Variants in CDKAL1 observed in about 807,000 individuals in gnomAD.
The protein encoded by CDKAL1 is CDKAL1 threonylcarbamoyladenosine tRNA methylthiotransferase.
In CDKAL1, 32 loss-of-function variants were observed where a neutral mutation model predicts 68.2. That is an observed-to-expected ratio of 0.47 (90% CI 0.35 to 0.63). The LOEUF (loss-of-function observed/expected upper bound fraction) is 0.63. Among genes scored for constraint, CDKAL1 ranks in the 30% least tolerant of loss-of-function variants. The pLI, the probability that CDKAL1 is intolerant of heterozygous loss-of-function variation, is 0.00. For synonymous variants in CDKAL1, 234 were observed against 244.3 expected, an observed-to-expected ratio of 0.96 and a Z score of 0.39; for missense variants, 606 against 696.7, an observed-to-expected ratio of 0.87 and a Z score of 1.47.
At chr6:20,937,858 TG>T (rs1411290869) in intron 9 of CDKAL1, among the ~76,000 whole-genome samples, 7 of 61,580 alleles carry the variant, frequency 1.1e-4, no homozygotes, top group African/African-American at 3.3e-4. Context: ...CACTGTGAGG[TG>T]GTTTTTTTTT....
At chr6:20,740,178 C>G (rs57498505) in intron 6 of CDKAL1, among the ~76,000 whole-genome samples, 8 of 152,098 alleles carry the variant, frequency 5.3e-5, no homozygotes. Context: ...TAGCCTCATG[C>G]GAATAGTTTT....
chr6:20,642,876 G>A (rs1284396776), intron 4 of CDKAL1, among the ~76,000 whole-genome samples: 2 of 151,522 alleles, frequency 1.3e-5, no homozygotes, highest in Admixed American at 6.6e-5. Context: ...TCCAGCCTGG[G>A]CGACACAGTG....
chr6:20,784,412 CTTTTTTTTTTTTTT>C (rs1175015329), intron 8 of CDKAL1, among the ~76,000 whole-genome samples: 5 of 33,492 alleles, frequency 1.5e-4, no homozygotes, highest in East Asian at 1.2e-3. Context: ...TATTTTATTT[CTTTTTTTTTTTTTT>C]TTTTTTTTTT....
At chr6:21,062,480 T>C (rs1017943621) in intron 11 of CDKAL1, among the ~76,000 whole-genome samples, 11 of 152,204 alleles carry the variant, frequency 7.2e-5, no homozygotes, top group African/African-American at 2.7e-4. Flanking sequence ...AATGTAATTT[T>C]GATAATTACC....
intron 2 of CDKAL1, among the ~76,000 whole-genome samples, chr6:20,543,477 C>G (rs1763466139): frequency 6.6e-6 from 1 of 152,144 alleles, no homozygotes; most frequent in South Asian, 2.1e-4. Flanking sequence ...TGTGTTTTGA[C>G]ACTAGTTCTT....
chr6:20,577,419 C>G (rs1308758942), intron 4 of CDKAL1, among the ~76,000 whole-genome samples: 1 of 152,182 alleles, frequency 6.6e-6, no homozygotes, highest in Admixed American at 6.5e-5. Context: ...AGAAATCTTT[C>G]CTTGCTCTGT....
At chr6:21,154,879 G>A (rs1165608382) in intron 13 of CDKAL1, among the ~76,000 whole-genome samples, 1 of 152,064 alleles carries the variant, frequency 6.6e-6, no homozygotes, top group African/African-American at 2.4e-5. Context: ...TGTAATGCCA[G>A]CTACTCAGGA....
At chr6:21,013,305 CT>C (rs915566381) in intron 11 of CDKAL1, among the ~76,000 whole-genome samples, 1 of 152,060 alleles carries the variant, frequency 6.6e-6, no homozygotes, top group African/African-American at 2.4e-5. Context: ...TCTTTTCTTT[CT>C]TTCTTTCTTT....
chr6:20,814,759 G>T (rs147305435), intron 8 of CDKAL1, among the ~76,000 whole-genome samples: 58 of 152,304 alleles, frequency 3.8e-4, no homozygotes, highest in African/African-American at 1.4e-3. Context: ...CCTGGCCCCT[G>T]TAGTTCCTGT....
chr6:20,668,640 T>C (rs1379006315), intron 5 of CDKAL1, among the ~76,000 whole-genome samples: 1 of 152,232 alleles, frequency 6.6e-6, no homozygotes, highest in Non-Finnish European at 1.5e-5. Flanking sequence ...TTCACCCAGC[T>C]TCCTTTAATG....
chr6:20,982,606 A>G (rs1432395824), intron 10 of CDKAL1, among the ~76,000 whole-genome samples: 1 of 151,984 alleles, frequency 6.6e-6, no homozygotes, highest in Non-Finnish European at 1.5e-5. Context: ...ACAAAATCCA[A>G]AAAAAGAAAA....
chr6:20,673,911 A>G (rs2127783746), intron 5 of CDKAL1, among the ~76,000 whole-genome samples: 1 of 152,344 alleles, frequency 6.6e-6, no homozygotes, highest in East Asian at 1.9e-4. Flanking sequence ...GTGAAAACAG[A>G]CTAATACACG....
intron 9 of CDKAL1, among the ~76,000 whole-genome samples, chr6:20,857,923 G>T (rs769179669): frequency 6.6e-6 from 1 of 152,090 alleles, no homozygotes; most frequent in African/African-American, 2.4e-5. Context: ...GCAGTGGCGC[G>T]ATCTTGGCTC....
Position 20,882,026 on chromosome 6 carries a change from C to T in CDKAL1, c.742+35848C>T, listed in dbSNP as rs188794882. On this transcript the variant is annotated intron_variant, in intron 9 of 15. Transcript: ENST00000274695. ...CAGATATCATATAAATGGAATCATGCGATATGTAGCCTGATGGGATTCAGA... is the reference window on the plus strand; with the variant it reads ...CAGATATCATATAAATGGAATCATGTGATATGTAGCCTGATGGGATTCAGA... Among the ~76,000 whole-genome samples the T allele has an allele frequency of 8.5e-5, 13 of 152,164 alleles. No homozygotes were observed. The East Asian group carries it at 1.2e-3, about 14-fold the overall frequency.
intron 10 of CDKAL1, among the ~76,000 whole-genome samples, chr6:20,982,311 A>G (rs1295682767): frequency 1.3e-5 from 2 of 152,074 alleles, no homozygotes; most frequent in African/African-American, 4.8e-5. Context: ...TGCCTGCCTC[A>G]GCCTCCGAAA....
rs531373701 is a variant in CDKAL1 at position 20,677,298 on chromosome 6, G to A, written c.371+27921G>A. On this transcript the variant is annotated intron_variant, in intron 5 of 15. Coordinates refer to ENST00000274695, the MANE Select transcript of CDKAL1 (RefSeq NM_017774.3). The stretch of plus-strand genomic sequence containing the variant: ...TTGTCCCGGCTGGTCTTGAACTCCC[G>A]GCCTCAGGTGATCCACCTGCCTCAG... 8.0e-4 allele frequency among the ~76,000 whole-genome samples: 122 copies of A among 152,174 alleles called. 2 individuals carry two copies. The South Asian group carries it at 0.024, about 30-fold the overall frequency.
At chr6:21,127,455 A>G (rs1234166377) in intron 13 of CDKAL1, among the ~76,000 whole-genome samples, 2 of 152,192 alleles carry the variant, frequency 1.3e-5, no homozygotes, top group Non-Finnish European at 2.9e-5. Flanking sequence ...TATTTTTATA[A>G]ACAATGTAAA....
At chr6:20,741,580 C>T (rs760357721) in intron 6 of CDKAL1, among the ~76,000 whole-genome samples, 1 of 152,076 alleles carries the variant, frequency 6.6e-6, no homozygotes, top group Admixed American at 6.6e-5. Context: ...GTTTTCTGCT[C>T]CTGTGTTAGT....
At chr6:20,665,646 C>G (rs1290041829) in intron 5 of CDKAL1, among the ~76,000 whole-genome samples, 1 of 148,512 alleles carries the variant, frequency 6.7e-6, no homozygotes, top group Non-Finnish European at 1.5e-5. Context: ...TAAGTCCTCA[C>G]TTAATGTCAA....
Sources: allele counts gnomAD v4.1 joint callset (sites outside exome capture counted in the v4.1 genomes callset), GRCh38; gene constraint gnomAD v4.1.1; transcripts MANE v1.5; gene names NCBI Gene and HGNC (gene_info 2026-07-23, HGNC 2026-07-21).